Variants in MDGA1 observed in about 807,000 individuals in gnomAD.
The protein encoded by MDGA1 is MAM domain-containing glycosylphosphatidylinositol anchor protein 1.
Under a neutral mutation model 101.5 loss-of-function variants are expected in MDGA1, and 54 were observed. The ratio of observed to expected loss-of-function variants is 0.53; its 90% CI spans 0.43 to 0.67. MDGA1 has a LOEUF of 0.67. Among genes scored for constraint, MDGA1 ranks in the 30% least tolerant of loss-of-function variants. MDGA1 has a pLI of 0.00. For synonymous variants in MDGA1, 533 were observed against 558.3 expected (o/e 0.95, Z 0.64); for missense variants, 1,083 against 1,323.8 (o/e 0.82, Z 2.82).
Position 37,661,900 on chromosome 6 carries a change from A to G in MDGA1, c.207+2067T>C, listed in dbSNP as rs1435945306. ...CTGGGTGCAATGGCTCATGCCCGTA[A>G]TCCCCGCACTTTGAGAGGCTGAGGC... On this transcript the variant is annotated intron_variant, in intron 2 of 16. Transcript: ENST00000434837. Among the ~76,000 whole-genome samples, 3 of 152,022 alleles carry G rather than the reference A, an allele frequency of 2.0e-5. No individual in the cohort carries two copies. The East Asian group carries it at 5.8e-4, about 29-fold the overall frequency.
At chr6:37,642,534 A>G (rs804834) in intron 14 of MDGA1, among the ~76,000 whole-genome samples, 150,932 of 152,318 alleles carry the variant, frequency 0.99, 74,786 homozygotes, top group Middle Eastern at 1. Context: ...CTAGTCTATT[A>G]ATCACCTTTG....
At chr6:37,657,159 TA>T (rs5875590) in intron 3 of MDGA1, among the ~76,000 whole-genome samples, 28 of 150,902 alleles carry the variant, frequency 1.9e-4, no homozygotes, top group Non-Finnish European at 3.7e-4. Flanking sequence ...ATCCTCACTT[TA>T]AAAAAATAAT....
chr6:37,643,948 G>A lies in MDGA1; in HGVS notation c.2402-5C>T, dbSNP rs778034318. On this transcript the variant is annotated splice_region_variant and splice_polypyrimidine_tract_variant and intron_variant, in intron 13 of 16. Transcript: ENST00000434837. ...TCTCGATGAACATGTAGTAGCCTGC[G>A]GGGAATGGGGAGATGCGCCAACAGC... 2.5e-5 allele frequency: 40 copies of A among 1,613,286 alleles called. No individual in the cohort carries two copies. The highest frequency in any genetic ancestry group is 4.0e-5 in the African/African-American group (3 of 74,884).
intron 3 of MDGA1, among the ~76,000 whole-genome samples, 171 bp from the exon 4 acceptor site, chr6:37,656,067 G>C (rs1446833019): frequency 7.1e-6 from 1 of 140,628 alleles, no homozygotes; most frequent in Non-Finnish European, 1.5e-5. Flanking sequence ...GCAGGGGATA[G>C]GACTTTTTCC....
At chr6:37,682,650 G>T (rs1762121711) in intron 1 of MDGA1, among the ~76,000 whole-genome samples, 2 of 152,162 alleles carry the variant, frequency 1.3e-5, no homozygotes, top group African/African-American at 2.4e-5. Context: ...CCTGACAAAT[G>T]ATTAGATTTG....
chr6:37,638,855 G>T lies in MDGA1; in HGVS notation c.2537-188C>A. 1 of 687,720 alleles carries T rather than the reference G, an allele frequency of 1.5e-6. No individual in the cohort carries two copies. The highest frequency in any genetic ancestry group is 2.0e-5 in the South Asian group (1 of 50,052). The allele number at this position is 687,720 out of a possible 1,614,324, so 42.6% of individuals were successfully genotyped here. ...GACACCCTCAGTGTGGGAAAGAGAA[G>T]ACTTCAGCAGGATTTCATTTCATCA... On this transcript the variant is annotated intron_variant, in intron 14 of 16. Transcript: ENST00000434837. The surrounding 1 kb of genome is among the most constrained non-coding windows in gnomAD (Gnocchi z 4.8).
Position 37,643,791 on chromosome 6 carries a change from C to T in MDGA1, c.2536+18G>A, listed in dbSNP as rs1561840551. Reference sequence around the variant, plus strand: ...TCCAGCACACACTTGGTGGAGACTACCTGGCCCCCCAACTCACCGATGTGT... The same window carrying T: ...TCCAGCACACACTTGGTGGAGACTATCTGGCCCCCCAACTCACCGATGTGT... On this transcript the variant is annotated intron_variant, in intron 14 of 16. Coordinates refer to ENST00000434837, the MANE Select transcript of MDGA1 (RefSeq NM_153487.4). 6.2e-7 allele frequency: 1 copy of T among 1,613,608 alleles called. No homozygotes were observed. Among genetic ancestry groups the T allele is most frequent in the East Asian group, 2.2e-5 (1 of 44,894 alleles).
chr6:37,673,504 T>G (rs1395861954), intron 1 of MDGA1, among the ~76,000 whole-genome samples: 3 of 152,226 alleles, frequency 2.0e-5, no homozygotes, highest in Non-Finnish European at 4.4e-5. Context: ...CCTGGCCTGC[T>G]CCGCCTGGGC....
At position 37,654,986 on chromosome 6, in the gene MDGA1, C is replaced by T. The variant is rs539244704; in HGVS notation, c.580-54G>A. 12 of 1,598,508 alleles carry T rather than the reference C, an allele frequency of 7.5e-6. 1 individual carries two copies. The Admixed American group carries it at 1.4e-4, about 18-fold the overall frequency. On this transcript the variant is annotated intron_variant, in intron 4 of 16. Coordinates refer to ENST00000434837, the MANE Select transcript of MDGA1 (RefSeq NM_153487.4). ...GTGCCTGCTTGAGTCTCCAGGGATC[C>T]CGCATACTCATTCACCCAGCACCAG...
intron 1 of MDGA1, among the ~76,000 whole-genome samples, chr6:37,682,373 A>G (rs998851502): frequency 2.6e-5 from 4 of 152,132 alleles, no homozygotes; most frequent in Non-Finnish European, 5.9e-5. Flanking sequence ...AATCCCAGCT[A>G]CTCGGGAGGT....
In MDGA1 at chr6:37,635,158, G is replaced by C. The variant is rs1160375966; in HGVS notation, c.*2210C>G. ...ACTGCGCTCCAGTCCAATTAACTCA[G>C]AACCTCTGAGGTGGGAACCAAGCAG... On this transcript the variant is annotated 3_prime_UTR_variant, in exon 17 of 17. Transcript: ENST00000434837. 5 of 273,694 alleles carry C rather than the reference G, an allele frequency of 1.8e-5. No homozygotes were observed. Among genetic ancestry groups the C allele is most frequent in the Non-Finnish European group, 3.4e-5 (5 of 147,084 alleles). The allele number at this position is 273,694 out of a possible 1,614,324, so 17.0% of individuals were successfully genotyped here. A position where few individuals can be genotyped will look rare whatever the true frequency, so the allele number is the denominator to read the frequency against.
intron 1 of MDGA1, among the ~76,000 whole-genome samples, chr6:37,693,357 GC>G (rs1762353593): frequency 1.3e-5 from 2 of 152,198 alleles, no homozygotes; most frequent in Admixed American, 1.3e-4. Context: ...AATTCTGTAA[GC>G]TGTGTTGCTC....
In MDGA1 at chr6:37,658,386, C is replaced by G. The variant is rs1240462031; in HGVS notation, c.241G>C (p.Asp81His). The part of the protein sequence containing the change: ...RWTKTAGSAS[D>H]KFQETSVFNE... ...AACACCGATGTCTCCTGGAACTTGTCCGAGGCGCTACCTGCCGTCTTGGTC... is the reference window on the plus strand; with the variant it reads ...AACACCGATGTCTCCTGGAACTTGTGCGAGGCGCTACCTGCCGTCTTGGTC... Residue 81 changes from aspartate (D) to histidine (H), a missense_variant, in exon 3 of 17, where the codon GAC becomes CAC. By Grantham distance (81) the Asp-to-His change is moderately conservative. Transcript: ENST00000434837. 1.2e-6 allele frequency: 2 copies of G among 1,611,672 alleles called. No homozygotes were observed. The highest frequency in any genetic ancestry group is 2.2e-5 in the South Asian group (2 of 90,798).
At chr6:37,666,360 AAAAAAAAAAAAAAAG>A (rs1041347260) in intron 1 of MDGA1, among the ~76,000 whole-genome samples, 7 of 69,754 alleles carry the variant, frequency 1.0e-4, no homozygotes, top group Admixed American at 1.3e-4. Flanking sequence ...ACTCCGTCTC[AAAAAAAAAAAAAAAG>A]AAAAGAAAAA....
At chr6:37,658,059 T>C (rs1260102314) in intron 3 of MDGA1, among the ~76,000 whole-genome samples, 186 bp downstream of exon 3, 2 of 152,196 alleles carry the variant, frequency 1.3e-5, no homozygotes, top group Admixed American at 6.5e-5. Flanking sequence ...TCATATGAGA[T>C]TACAGGTGCG....
intron 1 of MDGA1, among the ~76,000 whole-genome samples, chr6:37,675,712 G>T (rs1046745779): frequency 6.6e-6 from 1 of 152,164 alleles, no homozygotes; most frequent in Non-Finnish European, 1.5e-5. Context: ...CTGGCCCAGT[G>T]ATGTGGGACC....
intron 6 of MDGA1, among the ~76,000 whole-genome samples, chr6:37,653,184 G>A (rs1761408056): frequency 1.3e-5 from 2 of 152,318 alleles, no homozygotes; most frequent in South Asian, 2.1e-4. Context: ...ACCCTAAGAG[G>A]TGACCATAAG....
At chr6:37,661,990 GAAA>G (rs35222857) in intron 2 of MDGA1, among the ~76,000 whole-genome samples, 1 of 145,768 alleles carries the variant, frequency 6.9e-6, no homozygotes. Context: ...ACCTGTCTCT[GAAA>G]AAAAAAAAAG....
At chr6:37,650,502 C>A in intron 7 of MDGA1, 97 bp from the exon 8 acceptor site, 4 of 1,277,194 alleles carry the variant, frequency 3.1e-6, no homozygotes. Flanking sequence ...CCGCTAGGGG[C>A]AAGCCTCTCT....
Sources: allele counts gnomAD v4.1 joint callset (sites outside exome capture counted in the v4.1 genomes callset), GRCh38; gene constraint gnomAD v4.1.1; non-coding constraint Gnocchi (gnomAD v3.1); transcripts MANE v1.5; gene names NCBI Gene and HGNC (gene_info 2026-07-23, HGNC 2026-07-21).